DLGAP2: variants seen among roughly 807,000 people sequenced by gnomAD.
DLGAP2 encodes the protein disks large-associated protein 2.
In DLGAP2, 26 loss-of-function variants were observed where a neutral mutation model predicts 100.3. The ratio of observed to expected loss-of-function variants is 0.26; its 90% CI spans 0.19 to 0.36. The LOEUF is 0.36. Among genes scored for constraint, DLGAP2 ranks in the 10% least tolerant of loss-of-function variants. The probability of loss-of-function intolerance (pLI) is 1.00; values close to 1 mark genes in which losing one functional copy is unlikely to be tolerated. For missense variants in DLGAP2, 1,858 were observed against 1,453.2 expected (o/e 1.28, Z -4.53); for synonymous variants, 886 against 630.1 (o/e 1.41, Z -6.08).
chr8:1,251,821 C>T (rs1046620568), intron 2 of DLGAP2, among the ~76,000 whole-genome samples: 2 of 152,300 alleles, frequency 1.3e-5, no homozygotes, highest in East Asian at 1.9e-4. Context: ...CACTGTTGCA[C>T]GGCCATGTCC....
intron 2 of DLGAP2, among the ~76,000 whole-genome samples, chr8:1,185,529 C>T (rs747421183): frequency 3.9e-5 from 6 of 152,086 alleles, no homozygotes; most frequent in Non-Finnish European, 7.4e-5. Context: ...TCCTAGGAAC[C>T]GTCATACCAT....
At chr8:1,185,148 G>A (rs1347032547) in intron 2 of DLGAP2, among the ~76,000 whole-genome samples, 1 of 152,174 alleles carries the variant, frequency 6.6e-6, no homozygotes, top group African/African-American at 2.4e-5. Flanking sequence ...CGGCATAACT[G>A]TTGAACACGT....
At chr8:876,270 C>A (rs981286217) in intron 1 of DLGAP2, among the ~76,000 whole-genome samples, 3 of 152,172 alleles carry the variant, frequency 2.0e-5, no homozygotes, top group Non-Finnish European at 4.4e-5. Context: ...GGGTCACTTG[C>A]TTTCAGCCTC....
intron 3 of DLGAP2, among the ~76,000 whole-genome samples, chr8:1,266,763 TTGTG>T (rs564410677): frequency 1.2e-4 from 18 of 151,824 alleles, no homozygotes; most frequent in Non-Finnish European, 1.9e-4. Flanking sequence ...GTATATGTGT[TTGTG>T]TGTGTGTTTT....
At chr8:1,517,915 G>A (rs1401129630) in intron 4 of DLGAP2, among the ~76,000 whole-genome samples, 4 of 152,170 alleles carry the variant, frequency 2.6e-5, no homozygotes, top group African/African-American at 9.7e-5. Flanking sequence ...CATCCCCCAC[G>A]GTATGTTGTT....
At chr8:1,203,121 AGTTC>A (rs1797915856) in intron 2 of DLGAP2, among the ~76,000 whole-genome samples, 1 of 151,000 alleles carries the variant, frequency 6.6e-6, no homozygotes, top group Admixed American at 6.6e-5. Flanking sequence ...TTTGTTTGTT[AGTTC>A]GTTTGTTTGT....
At chr8:1,448,186 T>G (rs903771781) in intron 3 of DLGAP2, among the ~76,000 whole-genome samples, 1 of 152,216 alleles carries the variant, frequency 6.6e-6, no homozygotes, top group African/African-American at 2.4e-5. Context: ...ATTAGGGTGT[T>G]GATTTTGGAT....
intron 3 of DLGAP2, among the ~76,000 whole-genome samples, chr8:1,499,831 C>G (rs1416531997): frequency 2.0e-5 from 3 of 152,230 alleles, no homozygotes; most frequent in Non-Finnish European, 2.9e-5. Context: ...CTGTCATCTT[C>G]CTTTCCCAAA....
At chr8:1,026,576 A>T (rs1801806686) in intron 2 of DLGAP2, among the ~76,000 whole-genome samples, 1 of 152,106 alleles carries the variant, frequency 6.6e-6, no homozygotes, top group Admixed American at 6.6e-5. Context: ...ACATTTTCTT[A>T]ATTTGTCACT....
At chr8:1,469,457 C>G (rs993421738) in intron 3 of DLGAP2, among the ~76,000 whole-genome samples, 17 of 152,248 alleles carry the variant, frequency 1.1e-4, no homozygotes, top group Non-Finnish European at 2.4e-4. Context: ...ACATCCCTCT[C>G]TGCCATTTCC....
At chr8:814,620 G>C (rs1250233819) in intron 1 of DLGAP2, among the ~76,000 whole-genome samples, 1 of 151,970 alleles carries the variant, frequency 6.6e-6, no homozygotes, top group Non-Finnish European at 1.5e-5. Flanking sequence ...GGCTGAGGCA[G>C]GTGGATCACG....
chr8:1,594,203 C>G (rs759753821), intron 6 of DLGAP2, among the ~76,000 whole-genome samples: 1 of 151,940 alleles, frequency 6.6e-6, no homozygotes, highest in Non-Finnish European at 1.5e-5. Flanking sequence ...TGCGGAAAGT[C>G]AAGGAAAATG....
intron 3 of DLGAP2, among the ~76,000 whole-genome samples, chr8:1,423,214 T>G (rs1271685020): frequency 6.6e-6 from 1 of 152,190 alleles, no homozygotes; most frequent in Non-Finnish European, 1.5e-5. Flanking sequence ...ATTGAGTTTT[T>G]TTAATGTAAA....
rs549468143 is a variant in DLGAP2, at chr8:1,668,257, G to C, written c.1811-72G>C. ...GCTCCGTCAACCACAGGGCATGGGCGTGGGGAAACAGTAGACCACAGGCTG... is the reference window on the plus strand; with the variant it reads ...GCTCCGTCAACCACAGGGCATGGGCCTGGGGAAACAGTAGACCACAGGCTG... On this transcript the variant is annotated intron_variant, in intron 8 of 14. Coordinates refer to ENST00000637795, the MANE Select transcript of DLGAP2 (RefSeq NM_001346810.2). The C allele has an allele frequency of 4.1e-5, 56 of 1,365,760 alleles. 2 individuals carry two copies. The South Asian group carries it at 8.0e-4, about 20-fold the overall frequency. 84.6% of individuals were successfully genotyped at this position (1,365,760 alleles called of 1,614,324 possible). A position where few individuals can be genotyped will look rare whatever the true frequency, so the allele number is the denominator to read the frequency against.
chr8:1,463,039 A>C (rs1299490688), intron 3 of DLGAP2, among the ~76,000 whole-genome samples: 1 of 152,200 alleles, frequency 6.6e-6, no homozygotes, highest in Non-Finnish European at 1.5e-5. Flanking sequence ...ATTTGAGGTC[A>C]GGAGTTCAAG....
At chr8:1,560,099 G>C (rs987144218) in intron 5 of DLGAP2, among the ~76,000 whole-genome samples, 2 of 152,166 alleles carry the variant, frequency 1.3e-5, no homozygotes, top group Non-Finnish European at 2.9e-5. Context: ...TATTACAAAA[G>C]TCATATAGGG....
At chr8:881,851 A>T (rs1797804693) in intron 1 of DLGAP2, among the ~76,000 whole-genome samples, 1 of 152,020 alleles carries the variant, frequency 6.6e-6, no homozygotes, top group Non-Finnish European at 1.5e-5. Context: ...ATGCCCTGTC[A>T]CTTTGTTCCC....
At chr8:1,679,934 C>G (rs1053041545) in intron 12 of DLGAP2, among the ~76,000 whole-genome samples, 6 of 133,084 alleles carry the variant, frequency 4.5e-5, no homozygotes, top group Admixed American at 1.8e-4. Context: ...GAGTCAAGAT[C>G]GTGCCATTGC....
At chr8:953,658 T>C (rs929692504) in intron 2 of DLGAP2, among the ~76,000 whole-genome samples, 1 of 151,510 alleles carries the variant, frequency 6.6e-6, no homozygotes, top group Non-Finnish European at 1.5e-5. Context: ...CCATCAGTCT[T>C]TTTTCACATA....
Sources: allele counts gnomAD v4.1 joint callset (sites outside exome capture counted in the v4.1 genomes callset), GRCh38; gene constraint gnomAD v4.1.1; transcripts MANE v1.5; gene names NCBI Gene and HGNC (gene_info 2026-07-23, HGNC 2026-07-21).